The following CCDC197 variants were observed in gnomAD, a reference collection of about 807,000 sequenced individuals.
CCDC197 encodes uncharacterized protein CCDC197.
CCDC197 carries 24 observed loss-of-function variants against 13.4 expected under a neutral mutation model. The ratio of observed to expected loss-of-function variants is 1.80; its 90% confidence interval spans 1.30 to 2.53. The LOEUF (loss-of-function observed/expected upper bound fraction) is 2.53, where lower values mean the gene tolerates loss of function less well. Among genes scored for constraint, CCDC197 ranks in the 30% most tolerant of loss-of-function variants. The pLI is 0.00. For synonymous variants in CCDC197, 99 were observed against 55.5 expected (o/e 1.78, Z -3.48); for missense variants, 255 against 148.8 (o/e 1.71, Z -3.71).
At chr14:94,005,678 T>C (rs1203425364) in intron 6 of CCDC197, among the ~76,000 whole-genome samples, 1 of 152,224 alleles carries the variant, frequency 6.6e-6, no homozygotes, top group Non-Finnish European at 1.5e-5. Flanking sequence ...ATAGTCAAAA[T>C]TGCACAGCCA....
Position 94,003,049 on chromosome 14 carries a change from C to T in CCDC197, c.367-174C>T, listed in dbSNP as rs957545482. 6.6e-6 allele frequency among the ~76,000 whole-genome samples: 1 copy of T among 152,014 alleles called. No individual in the cohort carries two copies. The highest frequency in any genetic ancestry group is 1.9e-4 in the East Asian group (1 of 5,184). ...TCAGGAACTGGGGCTCAGGTAAACT[C>T]CATCAGCCTGGACACGCCCTTTTCT... On this transcript the variant is annotated intron_variant, in intron 4 of 6. Transcript: ENST00000636493. This position sits in a 1 kb window ranked among gnomAD's most constrained non-coding sequence, Gnocchi z 5.0.
At position 94,004,961 on chromosome 14, in the gene CCDC197, A is replaced by C; in HGVS notation, c.605A>C (p.Asp202Ala). 1.4e-6 allele frequency: 1 copy of C among 702,828 alleles called. No individual in the cohort carries two copies. The highest frequency in any genetic ancestry group is 2.6e-6 in the Non-Finnish European group (1 of 384,906). The allele number at this position is 702,828 out of a possible 1,614,324, so 43.5% of individuals were successfully genotyped here. A position where few individuals can be genotyped will look rare whatever the true frequency, so the allele number is the denominator to read the frequency against. ...PKSMDLFSKLDLIKEFMLDKM... is the reference protein window; with the variant it reads ...PKSMDLFSKLALIKEFMLDKM... ...AGCATGGATCTCTTCTCCAAGCTCG[A>C]TCTGATTAAGGTAAGGATAGACAGA... Residue 202 changes from aspartate (D) to alanine (A), a missense_variant, in exon 6 of 7, where the codon GAT (aspartate) becomes GCT (alanine). Physicochemically the swap from Asp to Ala is moderately radical, Grantham distance 126. Transcript: ENST00000636493.
At chr14:94,010,120 G>T (rs1050858961), downstream of CCDC197, among the ~76,000 whole-genome samples, 1 of 152,196 alleles carries the variant, frequency 6.6e-6, no homozygotes, top group South Asian at 2.1e-4. Flanking sequence ...GAGTTAAATA[G>T]GAAAGATACA....
upstream of CCDC197, among the ~76,000 whole-genome samples, chr14:93,996,719 G>T (rs1232754200): frequency 6.6e-6 from 1 of 152,042 alleles, no homozygotes; most frequent in African/African-American, 2.4e-5. Flanking sequence ...GAGGGGGAAG[G>T]CCAGGCCAGC....
At chr14:93,999,525 AG>A (rs1193686706) in intron 2 of CCDC197, 57 bp from the exon 3 acceptor site, 2 of 775,940 alleles carry the variant, frequency 2.6e-6, no homozygotes, top group South Asian at 1.3e-5. Context: ...GTTCATTCAC[AG>A]GGGGTCCTGC....
chr14:93,992,110 T>G (rs903241546), intron 1 of CCDC197, among the ~76,000 whole-genome samples: 3 of 152,230 alleles, frequency 2.0e-5, no homozygotes, highest in Non-Finnish European at 4.4e-5. Context: ...GCCATACATC[T>G]TGGCTTTTCT....
chr14:93,998,441 C>G (rs1297207479), intron 2 of CCDC197, among the ~76,000 whole-genome samples: 1 of 152,198 alleles, frequency 6.6e-6, no homozygotes, highest in Non-Finnish European at 1.5e-5. Context: ...GCCCTTTGGC[C>G]TGAGATCTTG....
chr14:93,988,082 G>A (rs1421297603), intron 1 of CCDC197, among the ~76,000 whole-genome samples: 1 of 123,940 alleles, frequency 8.1e-6, no homozygotes, highest in African/African-American at 3.2e-5. Context: ...GATGAAAGGA[G>A]GGGATGGGAG....
intron 6 of CCDC197, chr14:94,007,292 T>G (rs1890708048): frequency 6.6e-6 from 1 of 152,244 alleles, no homozygotes; most frequent in South Asian, 2.1e-4. Context: ...TTCAGTTGAT[T>G]TTTTAATATA....
At chr14:94,010,782 AG>A (rs1322786623), downstream of CCDC197, among the ~76,000 whole-genome samples, 1 of 152,082 alleles carries the variant, frequency 6.6e-6, no homozygotes, top group Non-Finnish European at 1.5e-5. Flanking sequence ...GGGCGGTGCA[AG>A]GGGAGCCTCA....
chr14:93,993,467 C>T (rs114714660), upstream of CCDC197, among the ~76,000 whole-genome samples: 510 of 152,340 alleles, frequency 3.3e-3, 2 homozygotes, highest in African/African-American at 0.012. Context: ...CACACTTTGC[C>T]TTTCAGGAAA....
At chr14:93,992,160 G>A (rs976070468) in intron 1 of CCDC197, among the ~76,000 whole-genome samples, 1 of 152,218 alleles carries the variant, frequency 6.6e-6, no homozygotes, top group Admixed American at 6.5e-5. Context: ...GTTTTGGCAG[G>A]GAAATGCGGA....
At chr14:93,994,026 G>A (rs1890246760), upstream of CCDC197, among the ~76,000 whole-genome samples, 1 of 151,330 alleles carries the variant, frequency 6.6e-6, no homozygotes. Context: ...TCTGCTGGTT[G>A]AGTGAGGCTG....
rs1890432458 is a variant in CCDC197 at position 93,999,670 on chromosome 14, G to A, written c.187+5G>A. 5 of 780,960 alleles carry A rather than the reference G, an allele frequency of 6.4e-6. No individual in the cohort carries two copies. In the East Asian group the frequency reaches 1.2e-4, roughly 19 times the overall value. The allele number at this position is 780,960 out of a possible 1,614,324, so 48.4% of individuals were successfully genotyped here. ...TCCTTGAGAAAATCCCCGAGGGTAT[G>A]TACACAGCTTCCTCGGAAAGCCCTT... On this transcript the variant is annotated splice_donor_5th_base_variant and intron_variant, in intron 3 of 6. Coordinates refer to ENST00000636493, the MANE Select transcript of CCDC197 (RefSeq NM_001351596.2).
Position 93,991,598 on chromosome 14 carries a change from G to A in CCDC197, c.-107+4202G>A, listed in dbSNP as rs191383452. Among the ~76,000 whole-genome samples, 145 of 152,304 alleles carry A rather than the reference G, an allele frequency of 9.5e-4. 1 individual carries two copies. In the Middle Eastern group the frequency reaches 0.017, roughly 18 times the overall value. On this transcript the variant is annotated intron_variant, in intron 1 of 7. Coordinates refer to the CCDC197 transcript ENST00000640978. ...ACGGAGACTCCAGCAGGGACAATTC[G>A]GTCCCAGTCCTTGACCTCATGCAGA...
intron 3 of CCDC197, 177 bp from the exon 4 acceptor site, chr14:94,000,968 G>A (rs1403407064): frequency 2.1e-5 from 2 of 95,840 alleles, no homozygotes; most frequent in Non-Finnish European, 2.9e-5. Flanking sequence ...GCGGGAGGGC[G>A]GGGGGGCGGG....
chr14:93,994,151 G>A (rs1259209482), upstream of CCDC197, among the ~76,000 whole-genome samples: 2 of 152,150 alleles, frequency 1.3e-5, no homozygotes, highest in Admixed American at 6.5e-5. Flanking sequence ...CCTGGACCTG[G>A]GTCCACATCC....
intron 6 of CCDC197, chr14:94,007,545 A>T (rs1404879666): frequency 6.6e-6 from 1 of 152,210 alleles, no homozygotes; most frequent in East Asian, 1.9e-4. Context: ...AAATATTAAA[A>T]TTGAGAAGTG....
chr14:94,004,024 G>A (rs1446213129), intron 5 of CCDC197, among the ~76,000 whole-genome samples: 2 of 152,166 alleles, frequency 1.3e-5, no homozygotes, highest in Non-Finnish European at 2.9e-5. Flanking sequence ...CCTGGAGTAG[G>A]TGTTCTTAAA....
Sources: allele counts gnomAD v4.1 joint callset (sites outside exome capture counted in the v4.1 genomes callset), GRCh38; gene constraint gnomAD v4.1.1; non-coding constraint Gnocchi (gnomAD v3.1); transcripts MANE v1.5; gene names NCBI Gene and HGNC (gene_info 2026-07-23, HGNC 2026-07-21).